Variants in DOCK2 observed in about 807,000 individuals in gnomAD.
DOCK2 encodes the protein dedicator of cytokinesis protein 2.
In DOCK2, 87 loss-of-function variants were observed where a neutral mutation model predicts 248.9. The observed-to-expected ratio is 0.35, with a 90% confidence interval of 0.29 to 0.42. DOCK2 has a LOEUF of 0.42. Ranked by LOEUF, DOCK2 falls within the 10% of genes least tolerant of loss-of-function variation. The pLI is 1.00. For synonymous variants in DOCK2, 805 were observed against 821.6 expected, an observed-to-expected ratio of 0.98 and a Z score of 0.35; for missense variants, 1,747 against 2,300.2, an observed-to-expected ratio of 0.76 and a Z score of 4.92.
chr5:169,883,648 G>A (rs571501714), intron 27 of DOCK2: 4 of 1,551,302 alleles, frequency 2.6e-6, no homozygotes, highest in African/African-American at 2.7e-5. Context: ...CTGGGACCTG[G>A]GGAAGGAGAG....
In DOCK2 at chr5:169,803,256, T is replaced by C. The variant is rs372623074; in HGVS notation, c.2703+50T>C. On this transcript the variant is annotated intron_variant, in intron 26 of 51. Coordinates refer to ENST00000520908, the MANE Select transcript of DOCK2 (RefSeq NM_004946.3). Reference sequence around the variant, plus strand: ...ATCCTGGACTCAGACTAGGGCTAAGTTGATTACATTGTGAAATATTGATAC... The same window carrying C: ...ATCCTGGACTCAGACTAGGGCTAAGCTGATTACATTGTGAAATATTGATAC... 94 of 1,577,852 alleles carry C rather than the reference T, an allele frequency of 6.0e-5. No individual in the cohort carries two copies. In the African/African-American group the frequency reaches 9.8e-4, roughly 16 times the overall value.
intron 27 of DOCK2, among the ~76,000 whole-genome samples, chr5:169,861,597 T>A (rs1771202050): frequency 6.6e-6 from 1 of 152,250 alleles, no homozygotes; most frequent in Admixed American, 6.5e-5. Flanking sequence ...TAACCTCAAG[T>A]ACAGCATTTC....
At chr5:169,931,174 A>G (rs1170374359) in intron 27 of DOCK2, among the ~76,000 whole-genome samples, 1 of 152,210 alleles carries the variant, frequency 6.6e-6, no homozygotes, top group Non-Finnish European at 1.5e-5. Context: ...TTGAGTCATG[A>G]AAGTTACCTT....
intron 27 of DOCK2, among the ~76,000 whole-genome samples, chr5:169,886,921 G>A (rs148574454): frequency 4.6e-5 from 7 of 152,262 alleles, no homozygotes; most frequent in Non-Finnish European, 1.0e-4. Context: ...CATTGTGATT[G>A]GTATGTTTCA....
At chr5:169,696,084 CTGGTGACTAAATCAAAATAAT>C (rs1190021360) in intron 10 of DOCK2, 146 bp downstream of exon 10, 2 of 1,123,462 alleles carry the variant, frequency 1.8e-6, no homozygotes, top group African/African-American at 3.2e-5. Context: ...AACTACATTT[CTGGTGACTAAATCAAAATAAT>C]TGGTGACTAA....
chr5:169,790,210 C>G (rs1377267402), intron 25 of DOCK2, among the ~76,000 whole-genome samples: 3 of 152,172 alleles, frequency 2.0e-5, no homozygotes, highest in Admixed American at 2.0e-4. Flanking sequence ...GCTTTTAATG[C>G]ATGATTTTCC....
chr5:169,860,736 C>T (rs1371234607), intron 27 of DOCK2, among the ~76,000 whole-genome samples: 8 of 152,166 alleles, frequency 5.3e-5, no homozygotes, highest in Admixed American at 5.2e-4. Flanking sequence ...TTTCAATTCT[C>T]TCTCAAACAT....
chr5:169,706,332 T>C (rs971858757), intron 14 of DOCK2, among the ~76,000 whole-genome samples: 1 of 152,208 alleles, frequency 6.6e-6, no homozygotes, highest in Non-Finnish European at 1.5e-5. Context: ...CAGATATAAA[T>C]CTTTGTAGGC....
rs889694693 is a variant in DOCK2, at chr5:169,820,665, G to A, written c.2703+17459G>A. 3.9e-5 allele frequency among the ~76,000 whole-genome samples: 6 copies of A among 152,086 alleles called. 1 individual carries two copies. Among genetic ancestry groups the A allele is most frequent in the Admixed American group, 3.9e-4 (6 of 15,270 alleles). On this transcript the variant is annotated intron_variant, in intron 26 of 51. Coordinates refer to ENST00000520908, the MANE Select transcript of DOCK2 (RefSeq NM_004946.3). ...AAAGGTAGATAAAACCACAAAGATGGGGAAAAAACAGAGCAGAAAAACTGA... is the reference window on the plus strand; with the variant it reads ...AAAGGTAGATAAAACCACAAAGATGAGGAAAAAACAGAGCAGAAAAACTGA...
At chr5:169,957,792 C>T (rs1271850316) in intron 27 of DOCK2, among the ~76,000 whole-genome samples, 2 of 152,208 alleles carry the variant, frequency 1.3e-5, no homozygotes, top group African/African-American at 4.8e-5. Flanking sequence ...GCTGGTAGAG[C>T]TCCATGTACT....
At chr5:170,016,994 A>G (rs760575751) in intron 32 of DOCK2, among the ~76,000 whole-genome samples, 5 of 152,166 alleles carry the variant, frequency 3.3e-5, no homozygotes, top group Non-Finnish European at 2.9e-5. Context: ...TATATCCTGG[A>G]AAAGTGTCTT....
At chr5:169,653,260 A>G (rs1422090659) in intron 1 of DOCK2, among the ~76,000 whole-genome samples, 1 of 152,208 alleles carries the variant, frequency 6.6e-6, no homozygotes, top group Non-Finnish European at 1.5e-5. Context: ...GGGCCTGCCT[A>G]CGTTTAGTTC....
intron 6 of DOCK2, among the ~76,000 whole-genome samples, chr5:169,677,582 T>A (rs866943410): frequency 2.0e-5 from 3 of 152,330 alleles, no homozygotes; most frequent in South Asian, 2.1e-4. Flanking sequence ...ATATGTATGA[T>A]GTTGGCCCTG....
chr5:169,708,402 T>A, intron 15 of DOCK2, 135 bp downstream of exon 15: 1 of 921,590 alleles, frequency 1.1e-6, no homozygotes, highest in Non-Finnish European at 1.6e-6. Context: ...TTTCCTTCAT[T>A]TTATAGTTGA....
intron 27 of DOCK2, among the ~76,000 whole-genome samples, chr5:169,845,824 C>T (rs542678057): frequency 8.7e-4 from 132 of 152,312 alleles, no homozygotes; most frequent in Non-Finnish European, 1.6e-3. Context: ...AAGCATACTT[C>T]ACTAGGAGCA....
chr5:169,727,534 T>A (rs1762547004), intron 22 of DOCK2, among the ~76,000 whole-genome samples: 1 of 152,164 alleles, frequency 6.6e-6, no homozygotes, highest in Non-Finnish European at 1.5e-5. Context: ...ACCTTGAATG[T>A]CAGACCCAGC....
rs376831489 is a variant in DOCK2, at chr5:170,019,124, G to A, written c.3381+16G>A. ...TTTCAAAAAGGTAAAAAATGAGGCC[G>A]GAAACTCATGCCAGCATGCCTAATC... On this transcript the variant is annotated intron_variant, in intron 33 of 51. Transcript: ENST00000520908. 2.2e-5 allele frequency: 35 copies of A among 1,613,756 alleles called. No homozygotes were observed. The highest frequency in any genetic ancestry group is 8.8e-5 in the South Asian group (8 of 91,062).
chr5:169,813,109 C>A (rs1463656198), intron 26 of DOCK2, among the ~76,000 whole-genome samples: 1 of 152,236 alleles, frequency 6.6e-6, no homozygotes, highest in Non-Finnish European at 1.5e-5. Flanking sequence ...CTGATCACCA[C>A]TGTACAGGGC....
chr5:169,897,958 G>A (rs111687083), intron 27 of DOCK2, among the ~76,000 whole-genome samples: 2,405 of 152,300 alleles, frequency 0.016, 23 homozygotes, highest in Middle Eastern at 0.068. Context: ...AAATAAAGGA[G>A]CAGGCTAGCT....
Sources: gnomAD v4.1 joint callset for allele counts (sites outside exome capture counted in the v4.1 genomes callset) on GRCh38, gnomAD v4.1.1 for gene constraint, MANE v1.5 for transcripts, NCBI Gene and HGNC (gene_info 2026-07-23, HGNC 2026-07-21) for gene names.